ANO3: variants seen among roughly 807,000 people sequenced by gnomAD.
ANO3 encodes the protein anoctamin 3, also known as anoctamin-3.
In ANO3, 99 loss-of-function variants were observed where a neutral mutation model predicts 144.8. The ratio of observed to expected loss-of-function variants is 0.68; its 90% CI spans 0.58 to 0.81. ANO3 has a LOEUF of 0.81. ANO3 is among the 30% of genes least tolerant of loss of function. The pLI is 0.00. For missense variants in ANO3, 905 were observed against 1,202.2 expected, an observed-to-expected ratio of 0.75 and a Z score of 3.66; for synonymous variants, 414 against 392.6, an observed-to-expected ratio of 1.05 and a Z score of -0.64.
intron 1 of ANO3, among the ~76,000 whole-genome samples, chr11:26,320,368 A>G (rs1209726881): frequency 6.6e-6 from 1 of 152,202 alleles, no homozygotes; most frequent in Non-Finnish European, 1.5e-5. Context: ...GAGATTCTGG[A>G]GAACATAGTT....
intron 1 of ANO3, among the ~76,000 whole-genome samples, chr11:26,348,230 T>C (rs1018624366): frequency 8.5e-5 from 13 of 152,220 alleles, no homozygotes; most frequent in African/African-American, 2.9e-4. Flanking sequence ...AAGTTAGATA[T>C]GTTTTGAACA....
chr11:26,462,199 G>A (rs555911076), intron 3 of ANO3, among the ~76,000 whole-genome samples: 15 of 151,936 alleles, frequency 9.9e-5, no homozygotes, highest in East Asian at 1.9e-4. Context: ...CAAAATTCAC[G>A]TTTAGTAGAT....
At chr11:26,448,312 AAAAG>A (rs1370177895) in intron 3 of ANO3, among the ~76,000 whole-genome samples, 10 of 151,778 alleles carry the variant, frequency 6.6e-5, no homozygotes, top group African/African-American at 2.4e-4. Flanking sequence ...AAAAAAAAAA[AAAAG>A]AAAGAAATAT....
intron 4 of ANO3, among the ~76,000 whole-genome samples, chr11:26,487,639 G>A (rs1242821281): frequency 1.3e-5 from 2 of 152,138 alleles, no homozygotes; most frequent in Non-Finnish European, 2.9e-5. Flanking sequence ...AATGCCGATA[G>A]TGATATGAGC....
intron 1 of ANO3, among the ~76,000 whole-genome samples, chr11:26,333,897 C>G (rs1855127692): frequency 6.6e-6 from 1 of 152,180 alleles, no homozygotes; most frequent in African/African-American, 2.4e-5. Flanking sequence ...CATAAACTTT[C>G]AGAATGAAGA....
intron 3 of ANO3, among the ~76,000 whole-genome samples, chr11:26,457,730 C>T (rs1005285693): frequency 6.6e-6 from 1 of 152,032 alleles, no homozygotes; most frequent in South Asian, 2.1e-4. Flanking sequence ...ACTATGTCAG[C>T]CTTTGTTCTT....
intron 4 of ANO3, among the ~76,000 whole-genome samples, chr11:26,469,074 G>A (rs1859691411): frequency 6.6e-6 from 1 of 151,812 alleles, no homozygotes; most frequent in African/African-American, 2.4e-5. Flanking sequence ...ATCTCGTCCT[G>A]TTTTCAGAGT....
upstream of ANO3, among the ~76,000 whole-genome samples, chr11:26,305,939 TCCTC>T (rs1451734479): frequency 1.3e-5 from 2 of 151,988 alleles, no homozygotes; most frequent in Non-Finnish European, 2.9e-5. Context: ...GAATTTGTCT[TCCTC>T]CCTGCACTTT....
chr11:26,468,632 G>A (rs1401696179), intron 4 of ANO3, among the ~76,000 whole-genome samples: 1 of 151,952 alleles, frequency 6.6e-6, no homozygotes, highest in Non-Finnish European at 1.5e-5. Context: ...TTATGTGGAT[G>A]TCAGGAACTA....
intron 3 of ANO3, among the ~76,000 whole-genome samples, chr11:26,447,957 T>C (rs890907128): frequency 6.6e-6 from 1 of 152,230 alleles, no homozygotes; most frequent in Non-Finnish European, 1.5e-5. Flanking sequence ...TGCCTGATGC[T>C]TGATTCTTCC....
chr11:26,531,825 C>T (rs1350803661), intron 8 of ANO3, among the ~76,000 whole-genome samples: 1 of 152,088 alleles, frequency 6.6e-6, no homozygotes, highest in Non-Finnish European at 1.5e-5. Flanking sequence ...ATTACTGTCT[C>T]CATCTACCTA....
intron 6 of ANO3, among the ~76,000 whole-genome samples, chr11:26,519,864 C>A (rs994447844): frequency 5.3e-5 from 8 of 152,082 alleles, no homozygotes; most frequent in African/African-American, 1.9e-4. Flanking sequence ...AACACATGTT[C>A]ATTCTGCAGT....
rs117445151 is a variant in ANO3, at chr11:26,228,793, G to A, written c.154+39463G>A. ...GATGAAGTACTGGCTCTCTGCAGCT[G>A]AGGCAATCCTAGAAAGATGAACAGC... On this transcript the variant is annotated intron_variant, in intron 1 of 27. Transcript: ENST00000672621. Among the ~76,000 whole-genome samples the A allele has an allele frequency of 9.5e-4, 144 of 152,314 alleles. 1 individual carries two copies. Among genetic ancestry groups the A allele is most frequent in the Non-Finnish European group, 1.4e-3 (94 of 68,032 alleles).
chr11:26,194,079 C>A (rs1182291862), intron 1 of ANO3, among the ~76,000 whole-genome samples: 1 of 152,106 alleles, frequency 6.6e-6, no homozygotes, highest in African/African-American at 2.4e-5. Flanking sequence ...TAGCACAATG[C>A]CTGCAACTAA....
At chr11:26,250,810 C>A (rs1395721440) in intron 1 of ANO3, among the ~76,000 whole-genome samples, 1 of 152,168 alleles carries the variant, frequency 6.6e-6, no homozygotes, top group East Asian at 1.9e-4. Flanking sequence ...GGGTTACATC[C>A]CAGTAAATCC....
At chr11:26,659,512 G>C (rs772965387) in intron 26 of ANO3, among the ~76,000 whole-genome samples, 24 of 151,778 alleles carry the variant, frequency 1.6e-4, no homozygotes, top group Non-Finnish European at 3.1e-4. Context: ...TAGGCAATGT[G>C]GTGAGACCTC....
At chr11:26,515,155 G>T (rs1489136845) in intron 5 of ANO3, among the ~76,000 whole-genome samples, 1 of 151,830 alleles carries the variant, frequency 6.6e-6, no homozygotes, top group Non-Finnish European at 1.5e-5. Flanking sequence ...ATAATCCTTT[G>T]TCTTTAATTT....
chr11:26,503,008 A>G (rs1215750039), intron 4 of ANO3, among the ~76,000 whole-genome samples: 1 of 152,164 alleles, frequency 6.6e-6, no homozygotes, highest in African/African-American at 2.4e-5. Context: ...TTCCTACTCA[A>G]CATAAGCCAT....
At chr11:26,655,584 A>G (rs1055052618) in intron 24 of ANO3, among the ~76,000 whole-genome samples, 1 of 152,078 alleles carries the variant, frequency 6.6e-6, no homozygotes, top group African/African-American at 2.4e-5. Flanking sequence ...AATTATGTTT[A>G]TTGTGTGCAT....
Sources: gnomAD v4.1 joint callset for allele counts (sites outside exome capture counted in the v4.1 genomes callset) on GRCh38, gnomAD v4.1.1 for gene constraint, MANE v1.5 for transcripts, NCBI Gene and HGNC (gene_info 2026-07-23, HGNC 2026-07-21) for gene names.